Variants in CACNA2D3 observed in about 807,000 individuals in gnomAD.
CACNA2D3 encodes the protein calcium voltage-gated channel auxiliary subunit alpha2delta 3, also known as voltage-dependent calcium channel subunit alpha-2/delta-3.
In CACNA2D3, 60 loss-of-function variants were observed where a neutral mutation model predicts 160.6. That is an observed-to-expected ratio of 0.37 (90% CI 0.30 to 0.46). CACNA2D3 has a LOEUF of 0.46. Among genes scored for constraint, CACNA2D3 ranks in the 20% least tolerant of loss-of-function variants. The probability of loss-of-function intolerance (pLI) is 1.00; values close to 1 mark genes in which losing one functional copy is unlikely to be tolerated. For missense variants in CACNA2D3, 1,205 were observed against 1,365.0 expected, an observed-to-expected ratio of 0.88 and a Z score of 1.85; for synonymous variants, 558 against 492.9, an observed-to-expected ratio of 1.13 and a Z score of -1.75.
At chr3:55,000,973 C>T (rs1702969098) in intron 31 of CACNA2D3, among the ~76,000 whole-genome samples, 1 of 152,174 alleles carries the variant, frequency 6.6e-6, no homozygotes, top group Non-Finnish European at 1.5e-5. Flanking sequence ...GGCTCTATCA[C>T]CAATGATCTA....
At chr3:54,383,896 T>C (rs1188115935) in intron 3 of CACNA2D3, among the ~76,000 whole-genome samples, 1 of 152,268 alleles carries the variant, frequency 6.6e-6, no homozygotes, top group African/African-American at 2.4e-5. Flanking sequence ...GCAGTGTTTA[T>C]GGTTGAAATA....
At chr3:54,585,061 G>T (rs1000547501) in intron 9 of CACNA2D3, among the ~76,000 whole-genome samples, 8 of 152,066 alleles carry the variant, frequency 5.3e-5, no homozygotes, top group African/African-American at 1.9e-4. Flanking sequence ...AAGAAAGCTT[G>T]GAAATTCAGA....
chr3:54,392,273 T>C (rs1699295377), intron 4 of CACNA2D3, among the ~76,000 whole-genome samples: 1 of 151,684 alleles, frequency 6.6e-6, no homozygotes, highest in Non-Finnish European at 1.5e-5. Flanking sequence ...ACATACTCTT[T>C]CTTTTTGAGT....
chr3:54,783,861 G>A (rs1213966233), intron 13 of CACNA2D3, among the ~76,000 whole-genome samples: 1 of 152,134 alleles, frequency 6.6e-6, no homozygotes, highest in Non-Finnish European at 1.5e-5. Context: ...AATTCTATTT[G>A]ATGGGCTTTT....
At chr3:54,655,653 T>C (rs996714633) in intron 11 of CACNA2D3, among the ~76,000 whole-genome samples, 5 of 152,214 alleles carry the variant, frequency 3.3e-5, no homozygotes, top group Non-Finnish European at 7.3e-5. Context: ...GCATTATCCA[T>C]TTTACCTGAA....
chr3:54,896,824 T>C lies in CACNA2D3; in HGVS notation c.2322T>C (p.Ala774=), dbSNP rs1559621220. The change falls in exon 26 of 38, where the codon GCT becomes GCC. Residue 774 remains alanine, a synonymous_variant. Transcript: ENST00000474759. ...DHFPLWYRRA[A]EQIPGSFVYS... Reference sequence around the variant, plus strand: ...TCCCTCTCTGGTACCGAAGAGCCGCTGAGCAGATTCCAGGGAGCTTCGTCT... The same window carrying C: ...TCCCTCTCTGGTACCGAAGAGCCGCCGAGCAGATTCCAGGGAGCTTCGTCT... The C allele has an allele frequency of 3.1e-6, 5 of 1,614,032 alleles. No homozygotes were observed. The highest frequency in any genetic ancestry group is 4.2e-6 in the Non-Finnish European group (5 of 1,179,886).
At chr3:54,442,709 TC>T (rs1452560398) in intron 4 of CACNA2D3, among the ~76,000 whole-genome samples, 1 of 152,152 alleles carries the variant, frequency 6.6e-6, no homozygotes, top group African/African-American at 2.4e-5. Context: ...ATTCAGTAGT[TC>T]CCTAAGTCAG....
At position 54,562,913 on chromosome 3, in the gene CACNA2D3, T is replaced by G; in HGVS notation, c.658T>G (p.Phe220Val). 6.2e-7 allele frequency: 1 copy of G among 1,613,324 alleles called. No homozygotes were observed. Among genetic ancestry groups the G allele is most frequent in the Non-Finnish European group, 8.5e-7 (1 of 1,179,384 alleles). Residue 220 changes from phenylalanine (F) to valine (V), a missense_variant, in exon 6 of 38, where the codon TTT becomes GTT. Physicochemically the swap from Phe to Val is conservative, Grantham distance 50. This residue lies in a region of CACNA2D3 where 131 missense variants were observed against 201.5 expected (regional missense o/e 0.65). Coordinates refer to ENST00000474759, the MANE Select transcript of CACNA2D3 (RefSeq NM_018398.3). ...GCAGTACTTTGGAAGTGCAAAGGGC[T>G]TTTTTAGGCAGTATCCGGGTGAGTA... The part of the protein sequence containing the change: ...IWQYFGSAKG[F>V]FRQYPGIKWE...
intron 11 of CACNA2D3, among the ~76,000 whole-genome samples, chr3:54,654,449 A>G (rs1273548644): frequency 6.6e-6 from 1 of 152,218 alleles, no homozygotes; most frequent in Non-Finnish European, 1.5e-5. Flanking sequence ...AATGTTAAAA[A>G]TTGCAAATCT....
intron 2 of CACNA2D3, among the ~76,000 whole-genome samples, chr3:54,201,403 G>A (rs1406810028): frequency 6.6e-6 from 1 of 152,206 alleles, no homozygotes; most frequent in Non-Finnish European, 1.5e-5. Context: ...AATGTTGGAA[G>A]TTACGGTAAC....
intron 28 of CACNA2D3, 94 bp downstream of exon 28, chr3:54,968,605 C>A: frequency 1.2e-6 from 1 of 849,134 alleles, no homozygotes; most frequent in Non-Finnish European, 1.9e-6. Context: ...GCCAGATTTC[C>A]GATGAATGTT....
At chr3:54,317,179 C>T (rs573671922) in intron 2 of CACNA2D3, among the ~76,000 whole-genome samples, 1 of 152,300 alleles carries the variant, frequency 6.6e-6, no homozygotes, top group African/African-American at 2.4e-5. Context: ...TCCATTTGAA[C>T]TTAGGAATAG....
At chr3:54,838,521 G>A (rs577155634) in intron 15 of CACNA2D3, 47 bp from the exon 16 acceptor site, 4 of 1,444,062 alleles carry the variant, frequency 2.8e-6, no homozygotes, top group Admixed American at 1.7e-5. Context: ...TATTTCTTTT[G>A]CCAAGTTAAC....
chr3:54,691,876 C>G (rs1476751329), intron 11 of CACNA2D3, among the ~76,000 whole-genome samples: 1 of 142,390 alleles, frequency 7.0e-6, no homozygotes, highest in Non-Finnish European at 1.6e-5. Flanking sequence ...ACCAATTGTT[C>G]TTTATCTTTT....
chr3:55,017,696 A>G (rs1252708931), intron 34 of CACNA2D3, among the ~76,000 whole-genome samples: 3 of 152,176 alleles, frequency 2.0e-5, no homozygotes, highest in East Asian at 1.9e-4. Flanking sequence ...TAAAATTGAC[A>G]TGTTGTATTA....
chr3:54,865,021 G>C (rs973685048), intron 17 of CACNA2D3, among the ~76,000 whole-genome samples: 4 of 152,224 alleles, frequency 2.6e-5, no homozygotes, highest in Admixed American at 1.3e-4. Context: ...CCTTCATGAC[G>C]AATGATGGGA....
At chr3:54,991,347 C>T (rs1210971539) in intron 31 of CACNA2D3, among the ~76,000 whole-genome samples, 1 of 151,918 alleles carries the variant, frequency 6.6e-6, no homozygotes, top group Non-Finnish European at 1.5e-5. Flanking sequence ...CTCATCCTCC[C>T]GAGTAGCTGG....
At chr3:54,990,827 A>G (rs1702722731) in intron 31 of CACNA2D3, among the ~76,000 whole-genome samples, 1 of 152,238 alleles carries the variant, frequency 6.6e-6, no homozygotes, top group Non-Finnish European at 1.5e-5. Context: ...TCTGTAGTGC[A>G]GGCAGAAGGA....
intron 5 of CACNA2D3, among the ~76,000 whole-genome samples, chr3:54,546,796 T>C (rs1434728099): frequency 6.6e-6 from 1 of 152,168 alleles, no homozygotes; most frequent in Admixed American, 6.5e-5. Flanking sequence ...CCCATTCATC[T>C]TGGTTTGCTC....
Sources: gnomAD v4.1 joint callset for allele counts (sites outside exome capture counted in the v4.1 genomes callset) on GRCh38, gnomAD v4.1.1 for gene constraint, gnomAD v4.1.1 regional missense constraint, MANE v1.5 for transcripts, NCBI Gene and HGNC (gene_info 2026-07-23, HGNC 2026-07-21) for gene names.